PTPN13: variants seen among roughly 807,000 people sequenced by gnomAD.
PTPN13 encodes tyrosine-protein phosphatase non-receptor type 13.
A neutral mutation model predicts 284.0 loss-of-function variants in PTPN13; 191 were observed. The ratio of observed to expected loss-of-function variants is 0.67; its 90% CI spans 0.60 to 0.76. The LOEUF (loss-of-function observed/expected upper bound fraction) is 0.76, where lower values mean the gene tolerates loss of function less well. Ranked by LOEUF, PTPN13 falls within the 30% of genes least tolerant of loss-of-function variation. The pLI, the probability that PTPN13 is intolerant of heterozygous loss-of-function variation, is 0.00. For missense variants in PTPN13, 2,797 were observed against 2,939.9 expected (o/e 0.95, Z 1.12); for synonymous variants, 986 against 1,022.3 (o/e 0.96, Z 0.68).
At chr4:86,741,947 T>A in intron 16 of PTPN13, 131 bp downstream of exon 16, 1 of 681,522 alleles carries the variant, frequency 1.5e-6, no homozygotes, top group Non-Finnish European at 2.2e-6. Flanking sequence ...ATTTAACTCT[T>A]CCTTTGTAGT....
intron 1 of PTPN13, among the ~76,000 whole-genome samples, chr4:86,598,851 A>G (rs1235187588): frequency 6.6e-6 from 1 of 152,090 alleles, no homozygotes; most frequent in Non-Finnish European, 1.5e-5. Flanking sequence ...TGCAACTTTA[A>G]ATTGCTGGGC....
At chr4:86,609,474 G>C (rs1421842978) in intron 1 of PTPN13, among the ~76,000 whole-genome samples, 2 of 152,138 alleles carry the variant, frequency 1.3e-5, no homozygotes, top group African/African-American at 2.4e-5. Context: ...TGTCACCGAA[G>C]CCAGGAGGAG....
At chr4:86,703,246 A>G (rs2149015878) in intron 7 of PTPN13, among the ~76,000 whole-genome samples, 1 of 152,264 alleles carries the variant, frequency 6.6e-6, no homozygotes, top group African/African-American at 2.4e-5. Flanking sequence ...AAATTTAGAA[A>G]TTTATATTAT....
intron 45 of PTPN13, among the ~76,000 whole-genome samples, chr4:86,809,062 G>GT: frequency 6.6e-6 from 1 of 152,094 alleles, no homozygotes; most frequent in African/African-American, 2.4e-5. Flanking sequence ...TGTATTTAAA[G>GT]CCACAGAGAA....
In PTPN13 at chr4:86,610,359, C is replaced by T. The variant is rs185975856; in HGVS notation, c.-6+15570C>T. Among the ~76,000 whole-genome samples, 385 of 152,310 alleles carry T rather than the reference C, an allele frequency of 2.5e-3. 3 individuals are homozygous for T. Among genetic ancestry groups the T allele is most frequent in the African/African-American group, 8.8e-3 (365 of 41,560 alleles). ...GTATCTTTCTAGGAATCTATCTCCC[C>T]TTTAGAGAAATTAGAAATTTTGGTC... On this transcript the variant is annotated intron_variant, in intron 1 of 47. Coordinates refer to ENST00000411767, the MANE Select transcript of PTPN13 (RefSeq NM_080683.3).
At chr4:86,779,881 T>C (rs1207974206) in intron 35 of PTPN13, among the ~76,000 whole-genome samples, 1 of 152,218 alleles carries the variant, frequency 6.6e-6, no homozygotes, top group East Asian at 1.9e-4. Flanking sequence ...ATTTTCTCTT[T>C]AATTTAAAAG....
intron 30 of PTPN13, 70 bp downstream of exon 30, chr4:86,770,269 G>A: frequency 7.2e-7 from 1 of 1,387,524 alleles, no homozygotes; most frequent in Non-Finnish European, 1.0e-6. Context: ...TTCAGCTGTG[G>A]TGGTTTCATC....
intron 37 of PTPN13, among the ~76,000 whole-genome samples, chr4:86,782,518 T>C (rs181888109): frequency 1.3e-5 from 2 of 152,322 alleles, no homozygotes; most frequent in East Asian, 1.9e-4. Flanking sequence ...TAGATAACTT[T>C]AGTGCGGAGA....
At chr4:86,740,322 G>A (rs1736026945) in intron 15 of PTPN13, among the ~76,000 whole-genome samples, 1 of 152,138 alleles carries the variant, frequency 6.6e-6, no homozygotes, top group Non-Finnish European at 1.5e-5. Flanking sequence ...TGAAATCTAG[G>A]CGAAGGTTCC....
chr4:86,809,389 C>A (rs991458620), intron 45 of PTPN13, among the ~76,000 whole-genome samples: 1 of 152,144 alleles, frequency 6.6e-6, no homozygotes, highest in Non-Finnish European at 1.5e-5. Flanking sequence ...AATTTGAAAG[C>A]ACAATATAAT....
intron 42 of PTPN13, among the ~76,000 whole-genome samples, chr4:86,802,145 T>TTG (rs565544263): frequency 0.095 from 13,721 of 143,888 alleles, 798 homozygotes; most frequent in East Asian, 0.19. Flanking sequence ...ATCAAGATTT[T>TTG]AGTGTGTGTG....
intron 17 of PTPN13, among the ~76,000 whole-genome samples, chr4:86,748,493 T>C (rs1302389094): frequency 1.3e-5 from 2 of 152,182 alleles, no homozygotes; most frequent in African/African-American, 2.4e-5. Context: ...CTGCCAAAGT[T>C]TGGTCCACAT....
chr4:86,672,750 A>G (rs1246552664), intron 3 of PTPN13, among the ~76,000 whole-genome samples: 1 of 152,246 alleles, frequency 6.6e-6, no homozygotes, highest in Non-Finnish European at 1.5e-5. Flanking sequence ...AAAATTAACC[A>G]TTAGAAGCAC....
intron 15 of PTPN13, among the ~76,000 whole-genome samples, chr4:86,738,046 T>C (rs2149153625): frequency 6.6e-6 from 1 of 152,312 alleles, no homozygotes; most frequent in South Asian, 2.1e-4. Flanking sequence ...ACTTTTAAGA[T>C]TCATCCATGG....
chr4:86,750,335 A>T, intron 17 of PTPN13, 135 bp from the exon 18 acceptor site: 2 of 785,004 alleles, frequency 2.5e-6, no homozygotes, highest in Non-Finnish European at 4.1e-6. Context: ...CCTGATTGCC[A>T]CACTTTGAAA....
chr4:86,695,250 TAGTTTA>T (rs1730476018), intron 6 of PTPN13, among the ~76,000 whole-genome samples: 1 of 152,136 alleles, frequency 6.6e-6, no homozygotes, highest in South Asian at 2.1e-4. Flanking sequence ...CATATATGAT[TAGTTTA>T]TATATGGGCC....
chr4:86,764,806 A>G (rs1342760098), intron 25 of PTPN13, 82 bp downstream of exon 25: 1 of 1,457,548 alleles, frequency 6.9e-7, no homozygotes. Context: ...TAATTGAATT[A>G]TTTTGCATCA....
At position 86,771,338 on chromosome 4, in the gene PTPN13, G is replaced by T; in HGVS notation, c.4971G>T (p.Gly1657=). 6.3e-7 allele frequency: 1 copy of T among 1,593,604 alleles called. No individual in the cohort carries two copies. Among genetic ancestry groups the T allele is most frequent in the Non-Finnish European group, 8.5e-7 (1 of 1,169,788 alleles). Residue 1657 remains glycine, a synonymous_variant, in exon 31 of 48, where the codon GGG becomes GGT. Transcript: ENST00000411767. ...GAGACAGTTACAGTGACAGCAGTGG[G>T]AGTGGAGAAGATGACTTAGTGACAG... ...SRRDSYSDSS[G]SGEDDLVTAP... is the part of the protein sequence containing the mutation.
rs1744816900 is a variant in PTPN13, at chr4:86,807,829, C to T, written c.7015C>T (p.Leu2339=). Residue 2339 remains leucine (L), a synonymous_variant, in exon 45 of 48, where the codon CTG becomes TTG. Transcript: ENST00000411767. The part of the protein sequence containing the change: ...KTTMVSNRLR[L]ALVRMQQLKG... The stretch of plus-strand genomic sequence containing the variant: ...AACAATGGTCAGCAACAGACTTCGA[C>T]TGGCTCTTGTGAGAATGCAGCAGCT... 6 of 1,614,046 alleles carry T rather than the reference C, an allele frequency of 3.7e-6. No individual in the cohort carries two copies. The highest frequency in any genetic ancestry group is 5.1e-6 in the Non-Finnish European group (6 of 1,179,888).
Sources: allele counts gnomAD v4.1 joint callset (sites outside exome capture counted in the v4.1 genomes callset), GRCh38; gene constraint gnomAD v4.1.1; transcripts MANE v1.5; gene names NCBI Gene and HGNC (gene_info 2026-07-23, HGNC 2026-07-21).